The following CFAP54 variants were observed in gnomAD, a reference collection of about 807,000 sequenced individuals.
The protein encoded by CFAP54 is cilia- and flagella-associated protein 54.
In CFAP54, 290 loss-of-function variants were observed where a neutral mutation model predicts 370.4. The observed-to-expected ratio is 0.78, with a 90% CI of 0.71 to 0.86. CFAP54 has a LOEUF of 0.86. Ranked by LOEUF, CFAP54 falls within the 40% of genes least tolerant of loss-of-function variation. The pLI is 0.00. For synonymous variants in CFAP54, 1,206 were observed against 1,236.5 expected (o/e 0.98, Z 0.52); for missense variants, 3,399 against 3,528.7 (o/e 0.96, Z 0.93).
intron 4 of CFAP54, among the ~76,000 whole-genome samples, chr12:96,508,198 A>G (rs2136354969): frequency 7.3e-6 from 1 of 136,646 alleles, no homozygotes; most frequent in Admixed American, 8.3e-5. Flanking sequence ...GTGTGGCATG[A>G]TCACTGCAGC....
intron 5 of CFAP54, 104 bp from the exon 6 acceptor site, chr12:96,518,823 TA>T: frequency 9.4e-7 from 1 of 1,066,752 alleles, no homozygotes; most frequent in African/African-American, 1.6e-5. Flanking sequence ...TTGGTTTGAG[TA>T]ATCAGCAACT....
At chr12:96,667,075 T>C (rs532633396) in intron 39 of CFAP54, among the ~76,000 whole-genome samples, 26 of 152,360 alleles carry the variant, frequency 1.7e-4, no homozygotes, top group African/African-American at 6.0e-4. Flanking sequence ...TGATTACCCT[T>C]GACTCCATGT....
intron 9 of CFAP54, among the ~76,000 whole-genome samples, chr12:96,531,882 G>A (rs925981406): frequency 1.2e-4 from 18 of 152,116 alleles, no homozygotes; most frequent in African/African-American, 4.1e-4. Context: ...GCACCACCAC[G>A]CCGGGCCAAT....
At chr12:96,708,888 T>C (rs1488014073) in intron 48 of CFAP54, 85 bp downstream of exon 48, 1 of 1,066,434 alleles carries the variant, frequency 9.4e-7, no homozygotes, top group Non-Finnish European at 1.3e-6. Flanking sequence ...ATATAAATGA[T>C]ACAGTATATA....
chr12:96,658,448 C>A, intron 38 of CFAP54, 102 bp downstream of exon 38: 2 of 1,369,890 alleles, frequency 1.5e-6, no homozygotes, highest in Non-Finnish European at 2.0e-6. Context: ...ATTATTTCTG[C>A]TTTAGTATTT....
At chr12:96,644,538 C>T in intron 33 of CFAP54, 130 bp downstream of exon 33, 2 of 654,390 alleles carry the variant, frequency 3.1e-6, no homozygotes, top group Non-Finnish European at 5.2e-6. Flanking sequence ...TATACTGGCT[C>T]TATTAGTCTG....
In CFAP54 at chr12:96,784,701, A is replaced by T; in HGVS notation, c.8282-16A>T. On this transcript the variant is annotated splice_polypyrimidine_tract_variant and intron_variant, in intron 60 of 67. Transcript: ENST00000524981. Reference sequence around the variant, plus strand: ...AATATAATATTGTATTACAAAAAAAAGTTTTTCACTTTCAGACAACTACCA... The same window carrying T: ...AATATAATATTGTATTACAAAAAAATGTTTTTCACTTTCAGACAACTACCA... The T allele has an allele frequency of 9.4e-6, 14 of 1,484,474 alleles. No homozygotes were observed. Among genetic ancestry groups the T allele is most frequent in the Middle Eastern group, 1.7e-4 (1 of 5,778 alleles). The allele number at this position is 1,484,474 out of a possible 1,614,324, so 92.0% of individuals were successfully genotyped here. A position where few individuals can be genotyped will look rare whatever the true frequency, so the allele number is the denominator to read the frequency against.
At chr12:96,628,017 G>A (rs748351227) in intron 30 of CFAP54, among the ~76,000 whole-genome samples, 9 of 152,088 alleles carry the variant, frequency 5.9e-5, no homozygotes, top group South Asian at 2.1e-4. Flanking sequence ...TTACAACATC[G>A]CCTACAGCGT....
At chr12:96,779,483 C>T in intron 60 of CFAP54, among the ~76,000 whole-genome samples, 1 of 151,872 alleles carries the variant, frequency 6.6e-6, no homozygotes, top group East Asian at 1.9e-4. Context: ...CATTTTTGTG[C>T]ACAGATGTAT....
intron 45 of CFAP54, among the ~76,000 whole-genome samples, chr12:96,697,794 G>A (rs1957452050): frequency 6.6e-6 from 1 of 151,878 alleles, no homozygotes; most frequent in Non-Finnish European, 1.5e-5. Flanking sequence ...TTTAAGTCAG[G>A]TTAGGGCCCT....
intron 45 of CFAP54, among the ~76,000 whole-genome samples, chr12:96,696,172 G>A (rs111613795): frequency 0.021 from 3,123 of 152,168 alleles, 109 homozygotes; most frequent in African/African-American, 0.067. Flanking sequence ...TTTAGGGGGT[G>A]GGGTGGTTCA....
At chr12:96,761,706 A>C (rs115488007) in intron 58 of CFAP54, among the ~76,000 whole-genome samples, 2,335 of 152,242 alleles carry the variant, frequency 0.015, 76 homozygotes, top group African/African-American at 0.054. Context: ...CTTTTTGTCC[A>C]TGAATATGCA....
chr12:96,651,855 A>G, intron 36 of CFAP54, 40 bp downstream of exon 36: 2 of 1,294,204 alleles, frequency 1.5e-6, no homozygotes, highest in Non-Finnish European at 1.1e-6. Context: ...ATATTCAGTT[A>G]AAAATATCGT....
At chr12:96,824,302 G>C (rs1478524819) in intron 65 of CFAP54, among the ~76,000 whole-genome samples, 1 of 152,184 alleles carries the variant, frequency 6.6e-6, no homozygotes, top group African/African-American at 2.4e-5. Flanking sequence ...AGTAATGCCA[G>C]ATTAAAAGGA....
chr12:96,869,604 C>T (rs547936803), intron 67 of CFAP54, among the ~76,000 whole-genome samples: 3 of 152,066 alleles, frequency 2.0e-5, no homozygotes, highest in Non-Finnish European at 4.4e-5. Context: ...AAAATTAATA[C>T]TTTTAGTTGA....
At chr12:96,577,796 C>G (rs1334526197) in intron 20 of CFAP54, among the ~76,000 whole-genome samples, 3 of 152,108 alleles carry the variant, frequency 2.0e-5, no homozygotes, top group African/African-American at 7.2e-5. Context: ...CGCGATGGCT[C>G]AAGCCTGTAA....
At chr12:96,763,717 T>A (rs1958364053) in intron 58 of CFAP54, among the ~76,000 whole-genome samples, 1 of 152,156 alleles carries the variant, frequency 6.6e-6, no homozygotes, top group Admixed American at 6.5e-5. Flanking sequence ...AGGCAGAGGT[T>A]GCAGTGAGCT....
intron 38 of CFAP54, among the ~76,000 whole-genome samples, chr12:96,658,616 C>CTT (rs11316052): frequency 2.6e-4 from 38 of 147,952 alleles, no homozygotes; most frequent in African/African-American, 8.5e-4. Flanking sequence ...GCCCAGAGTA[C>CTT]TTTTTTTTTT....
intron 65 of CFAP54, among the ~76,000 whole-genome samples, chr12:96,824,583 T>C (rs953063893): frequency 1.3e-5 from 2 of 152,088 alleles, no homozygotes; most frequent in Non-Finnish European, 2.9e-5. Flanking sequence ...TATGTTCCCC[T>C]CTATCTGGAA....
Sources: gnomAD v4.1 joint callset for allele counts (sites outside exome capture counted in the v4.1 genomes callset) on GRCh38, gnomAD v4.1.1 for gene constraint, MANE v1.5 for transcripts, NCBI Gene and HGNC (gene_info 2026-07-23, HGNC 2026-07-21) for gene names.